The following FAM83F variants were observed in gnomAD, a reference collection of about 807,000 sequenced individuals.
FAM83F encodes protein FAM83F.
In FAM83F, 45 loss-of-function variants were observed where a neutral mutation model predicts 42.9. The observed-to-expected ratio is 1.05, with a 90% CI of 0.83 to 1.35. The LOEUF is 1.35. Ranked by LOEUF, FAM83F falls within the 40% of genes most tolerant of loss-of-function variation. The pLI, the probability that FAM83F is intolerant of heterozygous loss-of-function variation, is 0.00. For synonymous variants in FAM83F, 306 were observed against 298.3 expected, an observed-to-expected ratio of 1.03 and a Z score of -0.27; for missense variants, 617 against 695.9, an observed-to-expected ratio of 0.89 and a Z score of 1.28.
chr22:40,007,532 TCC>T (rs2067440795), intron 1 of FAM83F, among the ~76,000 whole-genome samples: 1 of 27,634 alleles, frequency 3.6e-5, no homozygotes, highest in Non-Finnish European at 6.7e-5. Context: ...TCTCCTCTCC[TCC>T]TCTCCTCCTC....
At position 40,031,110 on chromosome 22, in the gene FAM83F, C is replaced by T. The variant is rs1383450377; in HGVS notation, c.*1545C>T. The T allele has an allele frequency of 6.6e-6, 1 of 152,198 alleles. No homozygotes were observed. The highest frequency in any genetic ancestry group is 1.9e-4 in the East Asian group (1 of 5,180). The allele number at this position is 152,198 out of a possible 1,614,324, so 9.4% of individuals were successfully genotyped here. On this transcript the variant is annotated 3_prime_UTR_variant, in exon 5 of 5. Coordinates refer to ENST00000333407, the MANE Select transcript of FAM83F (RefSeq NM_138435.4). ...TCTTCTCTGTTAATCCCAAGGCTGG[C>T]TTCTAGGGCGTGTGGAGAAGGGACT...
intron 4 of FAM83F, among the ~76,000 whole-genome samples, chr22:40,028,369 A>G (rs770774713): frequency 2.0e-5 from 3 of 152,206 alleles, no homozygotes; most frequent in Admixed American, 6.5e-5. Flanking sequence ...GGAGGCAGAC[A>G]TGGCCTTAAT....
chr22:39,999,269 C>T (rs1433864207), intron 1 of FAM83F: 4 of 152,230 alleles, frequency 2.6e-5, no homozygotes, highest in African/African-American at 9.6e-5. Flanking sequence ...TGTCGGAACA[C>T]AGCAGGAAGC....
rs190196785 is a variant in FAM83F at position 40,027,983 on chromosome 22, C to A, written c.1454-1533C>A. On this transcript the variant is annotated intron_variant, in intron 4 of 4. Transcript: ENST00000333407. Reference sequence around the variant, plus strand: ...GAACTGACATCTGCTTAGTGGGCCACGCAAATCAAACCAGCTGATGGGGGG... The same window carrying A: ...GAACTGACATCTGCTTAGTGGGCCAAGCAAATCAAACCAGCTGATGGGGGG... Among the ~76,000 whole-genome samples, 81 of 152,312 alleles carry A rather than the reference C, an allele frequency of 5.3e-4. 1 individual carries two copies. The highest frequency in any genetic ancestry group is 1.7e-3 in the African/African-American group (70 of 41,564).
intron 1 of FAM83F, among the ~76,000 whole-genome samples, chr22:40,017,816 AATACAAG>A (rs1414837692): frequency 1.3e-5 from 2 of 152,208 alleles, no homozygotes; most frequent in Non-Finnish European, 2.9e-5. Flanking sequence ...AAAAGTGTAA[AATACAAG>A]GTATCCTCAC....
At chr22:40,005,677 C>T (rs984229474) in intron 1 of FAM83F, among the ~76,000 whole-genome samples, 2 of 152,208 alleles carry the variant, frequency 1.3e-5, no homozygotes, top group Non-Finnish European at 2.9e-5. Flanking sequence ...GGAGTGAGCC[C>T]CAGGGGTTGC....
At chr22:39,998,521 G>T (rs547542503) in intron 1 of FAM83F, among the ~76,000 whole-genome samples, 3 of 151,988 alleles carry the variant, frequency 2.0e-5, no homozygotes, top group African/African-American at 4.8e-5. Context: ...GGGGGGTGAG[G>T]GGGGAGGGGC....
At chr22:40,013,955 G>C (rs1214642762) in intron 1 of FAM83F, among the ~76,000 whole-genome samples, 1 of 151,452 alleles carries the variant, frequency 6.6e-6, no homozygotes, top group Admixed American at 6.6e-5. Context: ...ATTATTGCTG[G>C]AATAGAAGAA....
chr22:39,995,495 G>A lies in FAM83F; in HGVS notation c.453G>A (p.Lys151=). ...PPKDEKAPHL[K]QVVRQMIQQA... is the part of the protein sequence containing the mutation. ...AGGACGAGAAGGCGCCGCACCTCAAGCAGGTGGTCAGGCAGATGATCCAAC... is the reference window on the plus strand; with the variant it reads ...AGGACGAGAAGGCGCCGCACCTCAAACAGGTGGTCAGGCAGATGATCCAAC... Residue 151 remains lysine, a synonymous_variant, in exon 1 of 5, where the codon AAG becomes AAA. Coordinates refer to ENST00000333407, the MANE Select transcript of FAM83F (RefSeq NM_138435.4). This position sits in a 1 kb window ranked among gnomAD's most constrained non-coding sequence, Gnocchi z 4.6. 1.9e-6 allele frequency: 3 copies of A among 1,579,218 alleles called. No homozygotes were observed. The highest frequency in any genetic ancestry group is 2.6e-6 in the Non-Finnish European group (3 of 1,162,060).
At position 39,995,502 on chromosome 22, in the gene FAM83F, G is replaced by T; in HGVS notation, c.460G>T (p.Val154Phe). 1 of 1,576,774 alleles carries T rather than the reference G, an allele frequency of 6.3e-7. No individual in the cohort carries two copies. The highest frequency in any genetic ancestry group is 8.6e-7 in the Non-Finnish European group (1 of 1,160,428). The change falls in exon 1 of 5, where the codon GTC becomes TTC. Residue 154 changes from valine (V) to phenylalanine (F), a missense_variant. Physicochemically the swap from Val to Phe is conservative, Grantham distance 50. Coordinates refer to ENST00000333407, the MANE Select transcript of FAM83F (RefSeq NM_138435.4). The surrounding 1 kb of genome is among the most constrained non-coding windows in gnomAD (Gnocchi z 4.6). ...GAAGGCGCCGCACCTCAAGCAGGTGGTCAGGCAGATGATCCAACAGGCCCA... is the reference window on the plus strand; with the variant it reads ...GAAGGCGCCGCACCTCAAGCAGGTGTTCAGGCAGATGATCCAACAGGCCCA... ...DEKAPHLKQVVRQMIQQAQKV... is the reference protein window; with the variant it reads ...DEKAPHLKQVFRQMIQQAQKV...
chr22:40,028,110 G>T (rs1024340089), intron 4 of FAM83F, among the ~76,000 whole-genome samples: 7 of 152,266 alleles, frequency 4.6e-5, no homozygotes, highest in African/African-American at 1.7e-4. Flanking sequence ...CACCACTGCG[G>T]AAAGTGACCC....
At chr22:39,999,216 G>A (rs1369406578) in intron 1 of FAM83F, 1 of 152,234 alleles carries the variant, frequency 6.6e-6, no homozygotes, top group Non-Finnish European at 1.5e-5. Context: ...CCCTAAACCG[G>A]GTTAGGGAAG....
intron 1 of FAM83F, among the ~76,000 whole-genome samples, chr22:40,018,697 T>C (rs2067503960): frequency 6.6e-6 from 1 of 151,744 alleles, no homozygotes; most frequent in South Asian, 2.1e-4. Context: ...GTTCAGGCAA[T>C]TCTCCTGCCT....
At chr22:40,008,319 C>A (rs921091741) in intron 1 of FAM83F, among the ~76,000 whole-genome samples, 3 of 152,230 alleles carry the variant, frequency 2.0e-5, no homozygotes, top group African/African-American at 7.2e-5. Context: ...TTCTTTCTCG[C>A]CCCCTCTCCT....
chr22:40,003,596 T>C (rs2067412641), intron 1 of FAM83F, among the ~76,000 whole-genome samples: 1 of 152,096 alleles, frequency 6.6e-6, no homozygotes, highest in Admixed American at 6.5e-5. Context: ...TAGCTATCCC[T>C]GCCTGCCCCC....
intron 2 of FAM83F, 76 bp downstream of exon 2, chr22:40,019,411 C>G (rs2067508014): frequency 1.4e-6 from 2 of 1,402,584 alleles, no homozygotes; most frequent in South Asian, 1.3e-5. Flanking sequence ...TGCAGCTCCC[C>G]CCTGCCTCTT....
chr22:40,020,087 C>G lies in FAM83F; in HGVS notation c.779+79C>G, dbSNP rs545368039. 2.9e-5 allele frequency: 45 copies of G among 1,532,528 alleles called. No individual in the cohort carries two copies. The East Asian group carries it at 9.8e-4, about 33-fold the overall frequency. 94.9% of individuals were successfully genotyped at this position (1,532,528 alleles called of 1,614,324 possible). A position where few individuals can be genotyped will look rare whatever the true frequency, so the allele number is the denominator to read the frequency against. On this transcript the variant is annotated intron_variant, in intron 3 of 4. Transcript: ENST00000333407. ...GTTCAGGAAGATGCCAGACCGGAGC[C>G]TCCGTCATCATGAGTGTGTAACAGG...
chr22:40,019,996 C>T lies in FAM83F; in HGVS notation c.767C>T (p.Thr256Ile). 6.2e-7 allele frequency: 1 copy of T among 1,612,986 alleles called. No individual in the cohort carries two copies. Among genetic ancestry groups the T allele is most frequent in the Non-Finnish European group, 8.5e-7 (1 of 1,179,462 alleles). Residue 256 changes from threonine (T) to isoleucine (I), a missense_variant, in exon 3 of 5, where the codon ACT becomes ATT. Physicochemically the swap from Thr to Ile is moderately conservative, Grantham distance 89. Coordinates refer to ENST00000333407, the MANE Select transcript of FAM83F (RefSeq NM_138435.4). Reference protein sequence around the residue: ...FLMVDGDKVATGSYRFTWSSS... With the variant: ...FLMVDGDKVAIGSYRFTWSSS... The stretch of plus-strand genomic sequence containing the variant: ...ATGGTGGACGGTGACAAAGTGGCCA[C>T]TGGATCTTACAGGTGAGTTGGGCCG...
At chr22:40,005,891 A>C (rs11705454) in intron 1 of FAM83F, among the ~76,000 whole-genome samples, 34,565 of 152,136 alleles carry the variant, frequency 0.23, 4,559 homozygotes, top group Non-Finnish European at 0.31. Context: ...CAGCGGACGA[A>C]GCACAGATGC....
Sources: gnomAD v4.1 joint callset for allele counts (sites outside exome capture counted in the v4.1 genomes callset) on GRCh38, gnomAD v4.1.1 for gene constraint, Gnocchi (gnomAD v3.1) non-coding constraint, MANE v1.5 for transcripts, NCBI Gene and HGNC (gene_info 2026-07-23, HGNC 2026-07-21) for gene names.